Variants in IFNLR1 observed in about 807,000 individuals in gnomAD.
IFNLR1 encodes the protein interferon lambda receptor 1.
A neutral mutation model predicts 52.5 loss-of-function variants in IFNLR1; 28 were observed. That is an observed-to-expected ratio of 0.53 (90% CI 0.40 to 0.73). The LOEUF (loss-of-function observed/expected upper bound fraction) is 0.73, where lower values mean the gene tolerates loss of function less well. Among genes scored for constraint, IFNLR1 ranks in the 30% least tolerant of loss-of-function variants. IFNLR1 has a pLI of 0.00. For missense variants in IFNLR1, 623 were observed against 659.1 expected (o/e 0.95, Z 0.60); for synonymous variants, 276 against 274.9 (o/e 1.00, Z -0.04).
At chr1:24,176,268 G>A (rs1644631975) in intron 2 of IFNLR1, among the ~76,000 whole-genome samples, 1 of 152,198 alleles carries the variant, frequency 6.6e-6, no homozygotes, top group South Asian at 2.1e-4. Context: ...CCATTTATAT[G>A]AAATTCTGGA....
At chr1:24,172,753 C>CCA (rs1644593972) in intron 2 of IFNLR1, among the ~76,000 whole-genome samples, 1 of 152,122 alleles carries the variant, frequency 6.6e-6, no homozygotes, top group Non-Finnish European at 1.5e-5. Flanking sequence ...TGGTAAGACA[C>CCA]CACAGGCAGG....
Position 24,157,789 on chromosome 1 carries a change from C to A in IFNLR1, c.904G>T (p.Val302Phe), listed in dbSNP as rs1286621504. 4 of 1,614,068 alleles carry A rather than the reference C, an allele frequency of 2.5e-6. No homozygotes were observed. Among genetic ancestry groups the A allele is most frequent in the Admixed American group, 3.3e-5 (2 of 60,000 alleles). Residue 302 changes from valine (V) to phenylalanine (F), a missense_variant, in exon 7 of 7, where the codon GTC becomes TTC. Coordinates refer to ENST00000327535, the MANE Select transcript of IFNLR1 (RefSeq NM_170743.4). This position sits in a 1 kb window ranked among gnomAD's most constrained non-coding sequence, Gnocchi z 5.1. ...LCPQKELTRGVRPTPRVRAPA... is the reference protein window; with the variant it reads ...LCPQKELTRGFRPTPRVRAPA... ...GCCCTGACTCGAGGCGTCGGCCTGA[C>A]CCCTCTGGTCAGTTCCTTTTGGGGA...
At chr1:24,185,674 C>T (rs1472756188) in intron 1 of IFNLR1, among the ~76,000 whole-genome samples, 3 of 152,198 alleles carry the variant, frequency 2.0e-5, no homozygotes, top group South Asian at 2.1e-4. Context: ...GACTTCCTAA[C>T]GGGTGACCAG....
intron 2 of IFNLR1, among the ~76,000 whole-genome samples, chr1:24,175,600 G>C (rs1031644237): frequency 2.0e-5 from 3 of 152,184 alleles, no homozygotes; most frequent in African/African-American, 7.2e-5. Context: ...TGATTTAGAT[G>C]AGACTTTGGA....
chr1:24,174,121 G>A (rs912549015), intron 2 of IFNLR1, among the ~76,000 whole-genome samples: 11 of 152,182 alleles, frequency 7.2e-5, no homozygotes, highest in African/African-American at 2.7e-4. Context: ...AGAAGAGGAA[G>A]AGATACCAGA....
Position 24,158,171 on chromosome 1 carries a change from G to A in IFNLR1, c.802-280C>T, listed in dbSNP as rs138033776. Among the ~76,000 whole-genome samples, 45 of 152,326 alleles carry A rather than the reference G, an allele frequency of 3.0e-4. 1 individual carries two copies. The highest frequency in any genetic ancestry group is 9.6e-4 in the African/African-American group (40 of 41,586). ...CTCAGAACCATCCCAGGAGGGGGAC[G>A]CTCCTGGGCTATTTACCCACAGTCA... On this transcript the variant is annotated intron_variant, in intron 6 of 6. Coordinates refer to ENST00000327535, the MANE Select transcript of IFNLR1 (RefSeq NM_170743.4).
chr1:24,187,100 T>C lies in IFNLR1; in HGVS notation c.58+91A>G, dbSNP rs576159330. The C allele has an allele frequency of 1.2e-5, 10 of 833,156 alleles. No individual in the cohort carries two copies. In the South Asian group the frequency reaches 1.7e-4, roughly 14 times the overall value. 51.6% of individuals were successfully genotyped at this position (833,156 alleles called of 1,614,324 possible). A position where few individuals can be genotyped will look rare whatever the true frequency, so the allele number is the denominator to read the frequency against. On this transcript the variant is annotated intron_variant, in intron 1 of 6. Coordinates refer to ENST00000327535, the MANE Select transcript of IFNLR1 (RefSeq NM_170743.4). ...CCGGCTCGGGTGGCTGCGGACCCCG[T>C]GCCTGTCCCAGGAGCTCCGGGTCCG... is the stretch of plus-strand genomic sequence containing the variant.
At chr1:24,180,571 A>T (rs1026967398) in intron 2 of IFNLR1, among the ~76,000 whole-genome samples, 160 bp downstream of exon 2, 9 of 152,028 alleles carry the variant, frequency 5.9e-5, no homozygotes, top group African/African-American at 1.9e-4. Flanking sequence ...GACCTTTATC[A>T]AAAGCCCCTC....
intron 1 of IFNLR1, among the ~76,000 whole-genome samples, chr1:24,186,184 G>A (rs943662662): frequency 5.3e-5 from 8 of 152,140 alleles, no homozygotes; most frequent in African/African-American, 1.7e-4. Context: ...GGCACTGGGG[G>A]CTGGAGCATC....
intron 2 of IFNLR1, among the ~76,000 whole-genome samples, chr1:24,171,333 G>T (rs6698365): frequency 0.097 from 14,826 of 152,168 alleles, 2,008 homozygotes; most frequent in African/African-American, 0.3. Context: ...AAACAAATTG[G>T]TTGAACCACA....
Position 24,155,602 on chromosome 1 carries a change from C to A in IFNLR1, c.*1528G>T, listed in dbSNP as rs1014973377. On this transcript the variant is annotated 3_prime_UTR_variant, in exon 7 of 7. Coordinates refer to ENST00000327535, the MANE Select transcript of IFNLR1 (RefSeq NM_170743.4). ...GCCCCCTGCAACTGCAGCCCAAGGC[C>A]TCTGGGGGACATGGTTTGAGAATCC... is the stretch of plus-strand genomic sequence containing the variant. The A allele has an allele frequency of 6.6e-6, 1 of 152,296 alleles. No homozygotes were observed. Among genetic ancestry groups the A allele is most frequent in the African/African-American group, 2.4e-5 (1 of 41,452 alleles). The allele number at this position is 152,296 out of a possible 1,614,324, so 9.4% of individuals were successfully genotyped here.
chr1:24,155,074 C>T lies in IFNLR1; in HGVS notation c.*2056G>A, dbSNP rs1644365424. On this transcript the variant is annotated 3_prime_UTR_variant, in exon 7 of 7. Transcript: ENST00000327535. ...ACATCGGTACAGGTCTGGGAATTTCCCTGGGAGCTGGCCCCAAGCCACAGC... is the reference window on the plus strand; with the variant it reads ...ACATCGGTACAGGTCTGGGAATTTCTCTGGGAGCTGGCCCCAAGCCACAGC... The T allele has an allele frequency of 6.6e-6, 1 of 152,198 alleles. No individual in the cohort carries two copies. Among genetic ancestry groups the T allele is most frequent in the South Asian group, 2.1e-4 (1 of 4,820 alleles). 9.4% of individuals were successfully genotyped at this position (152,198 alleles called of 1,614,324 possible).
rs373209035 is a variant in IFNLR1, at chr1:24,159,523, C to T, written c.621G>A (p.Pro207=). The change falls in exon 5 of 7, where the codon CCG becomes CCA. Residue 207 remains proline (P), a synonymous_variant. Transcript: ENST00000327535. ...SARTIYTFSV[P]KYSKFSKPTC... Reference sequence around the variant, plus strand: ...TGGGCTTAGAGAACTTGCTGTATTTCGGGACACTGAACGTGTAGATGGTTC... The same window carrying T: ...TGGGCTTAGAGAACTTGCTGTATTTTGGGACACTGAACGTGTAGATGGTTC... 1.4e-4 allele frequency: 231 copies of T among 1,614,014 alleles called. 1 individual carries two copies. The highest frequency in any genetic ancestry group is 1.0e-4 in the Admixed American group (6 of 59,984).
At chr1:24,174,647 C>CTCATTA (rs1238573504) in intron 2 of IFNLR1, among the ~76,000 whole-genome samples, 1 of 152,060 alleles carries the variant, frequency 6.6e-6, no homozygotes, top group East Asian at 1.9e-4. Context: ...GGCTAGCCAT[C>CTCATTA]TCAAAAATGA....
chr1:24,180,675 A>ACCCCCCCC, intron 2 of IFNLR1, 56 bp downstream of exon 2: 2 of 385,910 alleles, frequency 5.2e-6, no homozygotes, highest in Non-Finnish European at 1.0e-5. Flanking sequence ...AAGCCCCTCC[A>ACCCCCCCC]GCCCCCACCC....
chr1:24,156,961 T>G lies in IFNLR1; in HGVS notation c.*169A>C. On this transcript the variant is annotated 3_prime_UTR_variant, in exon 7 of 7. Coordinates refer to ENST00000327535, the MANE Select transcript of IFNLR1 (RefSeq NM_170743.4). ...GGGCGGGTCACAGGAGGGAGGGGCA[T>G]CTTGTTGCTCAGCCCGACAGGCAAA... 1.4e-6 allele frequency: 1 copy of G among 697,510 alleles called. No homozygotes were observed. Among genetic ancestry groups the G allele is most frequent in the Admixed American group, 2.8e-5 (1 of 35,854 alleles). 43.2% of individuals were successfully genotyped at this position (697,510 alleles called of 1,614,324 possible).
At chr1:24,178,007 G>A (rs1409028308) in intron 2 of IFNLR1, among the ~76,000 whole-genome samples, 2 of 152,258 alleles carry the variant, frequency 1.3e-5, no homozygotes, top group South Asian at 2.1e-4. Flanking sequence ...CATGTAGGCT[G>A]GGTGCGATGG....
intron 1 of IFNLR1, among the ~76,000 whole-genome samples, chr1:24,185,807 A>C (rs1644731797): frequency 6.6e-6 from 1 of 152,234 alleles, no homozygotes; most frequent in Non-Finnish European, 1.5e-5. Flanking sequence ...TGAAGCCTTC[A>C]AAGGATGCCA....
intron 2 of IFNLR1, among the ~76,000 whole-genome samples, chr1:24,175,855 AC>A (rs1557650848): frequency 6.6e-6 from 1 of 151,002 alleles, no homozygotes; most frequent in Non-Finnish European, 1.5e-5. Flanking sequence ...AATCTCTTGA[AC>A]CCGGGAGGCA....
Sources: allele counts gnomAD v4.1 joint callset (sites outside exome capture counted in the v4.1 genomes callset), GRCh38; gene constraint gnomAD v4.1.1; non-coding constraint Gnocchi (gnomAD v3.1); transcripts MANE v1.5; gene names NCBI Gene and HGNC (gene_info 2026-07-23, HGNC 2026-07-21).